The following EIF3B variants were observed in gnomAD, a reference collection of about 807,000 sequenced individuals.
The protein encoded by EIF3B is eukaryotic translation initiation factor 3 subunit 9.
A neutral mutation model predicts 104.6 loss-of-function variants in EIF3B; 10 were observed. The ratio of observed to expected loss-of-function variants is 0.10; its 90% CI spans 0.06 to 0.16. The LOEUF (loss-of-function observed/expected upper bound fraction) is 0.16. Ranked by LOEUF, EIF3B falls within the 10% of genes least tolerant of loss-of-function variation. EIF3B has a pLI of 1.00. For synonymous variants in EIF3B, 542 were observed against 417.2 expected (o/e 1.30, Z -3.65); for missense variants, 1,014 against 1,087.9 (o/e 0.93, Z 0.96).
chr7:2,366,154 G>A (rs1229876818), intron 6 of EIF3B, among the ~76,000 whole-genome samples, 163 bp from the exon 7 acceptor site: 3 of 152,140 alleles, frequency 2.0e-5, no homozygotes, highest in Non-Finnish European at 2.9e-5. Context: ...ATGAACAAGC[G>A]CCGCTGCTTC....
At chr7:2,357,576 T>G (rs1174937125) in intron 1 of EIF3B, among the ~76,000 whole-genome samples, 1 of 152,264 alleles carries the variant, frequency 6.6e-6, no homozygotes, top group Non-Finnish European at 1.5e-5. Context: ...CCTTTCAGTT[T>G]AATGTTTCAG....
chr7:2,373,881 G>GCACT (rs1780493591), intron 12 of EIF3B: 1 of 152,238 alleles, frequency 6.6e-6, no homozygotes, highest in Admixed American at 6.5e-5. Flanking sequence ...CTGCCAGGGT[G>GCACT]CACTGCCCTC....
chr7:2,362,946 G>C, intron 3 of EIF3B, 124 bp from the exon 4 acceptor site: 2 of 1,442,322 alleles, frequency 1.4e-6, no homozygotes, highest in Middle Eastern at 1.8e-4. Flanking sequence ...ACCCCTCCCT[G>C]TTATGCCAGT....
At chr7:2,373,818 C>T (rs922059139) in intron 12 of EIF3B, 2 of 152,246 alleles carry the variant, frequency 1.3e-5, no homozygotes, top group African/African-American at 4.8e-5. Context: ...GGGCTCCATC[C>T]CATGCCCGTG....
In EIF3B at chr7:2,380,112, C is replaced by T. The variant is rs1011304860; in HGVS notation, c.*15-92C>T. On this transcript the variant is annotated intron_variant, in intron 18 of 18. Coordinates refer to ENST00000360876, the MANE Select transcript of EIF3B (RefSeq NM_001037283.2). ...TCTGTGGCCGGGGTGGCTCCTCTTG[C>T]GGGACTCAACGTCAGCCCCAAGGCG... The T allele has an allele frequency of 8.3e-5, 26 of 313,298 alleles. 1 individual carries two copies. The highest frequency in any genetic ancestry group is 5.7e-4 in the South Asian group (23 of 40,002). The allele number at this position is 313,298 out of a possible 1,614,324, so 19.4% of individuals were successfully genotyped here.
chr7:2,378,002 C>T (rs113991868), intron 15 of EIF3B: 43 of 34,470 alleles, frequency 1.2e-3, no homozygotes, highest in Admixed American at 5.3e-3. Flanking sequence ...CGCGAGCTCT[C>T]CTGGGATGCT....
At chr7:2,359,876 GTGT>G (rs1265009076) in intron 1 of EIF3B, among the ~76,000 whole-genome samples, 1 of 152,230 alleles carries the variant, frequency 6.6e-6, no homozygotes, top group Non-Finnish European at 1.5e-5. Context: ...GTCAGGCGTT[GTGT>G]TGAGTGTTAC....
chr7:2,375,833 A>C (rs994183798), intron 14 of EIF3B: 4 of 351,196 alleles, frequency 1.1e-5, no homozygotes, highest in African/African-American at 2.0e-5. Flanking sequence ...AAGTCTGAAC[A>C]GAGTTCCATA....
intron 5 of EIF3B, among the ~76,000 whole-genome samples, chr7:2,363,989 C>T (rs1020748124): frequency 1.5e-4 from 23 of 152,154 alleles, no homozygotes; most frequent in African/African-American, 4.3e-4. Flanking sequence ...AGGCCGGGCG[C>T]GGTGGCTCAC....
At chr7:2,357,067 T>C (rs144421047) in intron 1 of EIF3B, among the ~76,000 whole-genome samples, 11 of 152,338 alleles carry the variant, frequency 7.2e-5, no homozygotes, top group African/African-American at 1.2e-4. Flanking sequence ...TCAATTGTTA[T>C]TATGGTTTAA....
intron 10 of EIF3B, among the ~76,000 whole-genome samples, chr7:2,371,402 C>T (rs769904168): frequency 2.0e-5 from 3 of 152,224 alleles, no homozygotes; most frequent in African/African-American, 4.8e-5. Flanking sequence ...ACAGGACACC[C>T]CACTGTCTGA....
chr7:2,364,202 C>A, intron 5 of EIF3B, 170 bp from the exon 6 acceptor site: 1 of 600,826 alleles, frequency 1.7e-6, no homozygotes, highest in Non-Finnish European at 2.8e-6. Context: ...GTGGAGCTTG[C>A]AGTGAGCTGA....
intron 2 of EIF3B, 67 bp from the exon 3 acceptor site, chr7:2,362,578 G>T: frequency 6.3e-7 from 1 of 1,590,696 alleles, no homozygotes; most frequent in Non-Finnish European, 8.6e-7. Flanking sequence ...GAGAGGGGTG[G>T]GGCGGACAGC....
intron 9 of EIF3B, among the ~76,000 whole-genome samples, chr7:2,368,393 G>C (rs991569572): frequency 1.3e-5 from 2 of 152,196 alleles, no homozygotes; most frequent in African/African-American, 2.4e-5. Context: ...TGATCCGCCT[G>C]CCCGCCTCAG....
chr7:2,355,662 G>C (rs181861118), intron 1 of EIF3B, among the ~76,000 whole-genome samples: 1 of 152,190 alleles, frequency 6.6e-6, no homozygotes, highest in Non-Finnish European at 1.5e-5. Flanking sequence ...TCGGGAGCCA[G>C]GCATTTGCAT....
At chr7:2,364,659 C>G (rs1779907913) in intron 6 of EIF3B, 130 bp downstream of exon 6, 1 of 810,446 alleles carries the variant, frequency 1.2e-6, no homozygotes, top group East Asian at 2.7e-5. Context: ...CGCTAATAAG[C>G]TTTTTACTGA....
chr7:2,360,274 ATCT>A (rs1779659054), intron 1 of EIF3B, among the ~76,000 whole-genome samples: 1 of 152,190 alleles, frequency 6.6e-6, no homozygotes, highest in Non-Finnish European at 1.5e-5. Flanking sequence ...GTTTGCTAAA[ATCT>A]TCTGTAAAAA....
At chr7:2,370,796 C>T (rs1780290976) in intron 10 of EIF3B, among the ~76,000 whole-genome samples, 1 of 152,138 alleles carries the variant, frequency 6.6e-6, no homozygotes, top group African/African-American at 2.4e-5. Context: ...AGGAAAAAGG[C>T]CGGGCACGGT....
At chr7:2,373,565 T>G (rs1236324049) in intron 12 of EIF3B, 3 of 152,180 alleles carry the variant, frequency 2.0e-5, no homozygotes, top group African/African-American at 7.2e-5. Flanking sequence ...GTGAGGAGTT[T>G]AGTTTTCACT....
Sources: allele counts gnomAD v4.1 joint callset (sites outside exome capture counted in the v4.1 genomes callset), GRCh38; gene constraint gnomAD v4.1.1; transcripts MANE v1.5; gene names NCBI Gene and HGNC (gene_info 2026-07-23, HGNC 2026-07-21).